Variants in MPHOSPH8 observed in about 807,000 individuals in gnomAD.
The protein encoded by MPHOSPH8 is M-phase phosphoprotein 8.
In MPHOSPH8, 45 loss-of-function variants were observed where a neutral mutation model predicts 87.3. That is an observed-to-expected ratio of 0.52 (90% CI 0.41 to 0.66). MPHOSPH8 has a LOEUF of 0.66. Among genes scored for constraint, MPHOSPH8 ranks in the 30% least tolerant of loss-of-function variants. The pLI is 0.00. For missense variants in MPHOSPH8, 883 were observed against 1,020.2 expected (o/e 0.87, Z 1.83); for synonymous variants, 366 against 376.9 (o/e 0.97, Z 0.33).
intron 1 of MPHOSPH8, among the ~76,000 whole-genome samples, chr13:19,640,856 G>A (rs745675702): frequency 1.3e-5 from 2 of 152,132 alleles, no homozygotes; most frequent in Admixed American, 6.5e-5. Context: ...ATAATCTTAA[G>A]TCACTAAAGA....
chr13:19,648,492 A>G lies in MPHOSPH8; in HGVS notation c.1289A>G (p.Lys430Arg). ...QKRHDSDKEE[K>R]GRKEPKGLKT... ...AGGCATGATTCTGACAAGGAAGAAA[A>G]AGGCAGAAAAGAGCCAAAAGGATTA... is the stretch of plus-strand genomic sequence containing the variant. The change falls in exon 4 of 14, where the codon AAA becomes AGA. Residue 430 changes from lysine (K) to arginine (R), a missense_variant. Physicochemically the swap from Lys to Arg is conservative, Grantham distance 26. This residue lies in a region of MPHOSPH8 where 741 missense variants were observed against 841.5 expected (regional missense o/e 0.88). Transcript: ENST00000361479. 6.3e-7 allele frequency: 1 copy of G among 1,580,942 alleles called. No homozygotes were observed. Among genetic ancestry groups the G allele is most frequent in the Non-Finnish European group, 8.6e-7 (1 of 1,164,676 alleles).
intron 10 of MPHOSPH8, 79 bp from the exon 11 acceptor site, chr13:19,668,298 G>T: frequency 7.5e-7 from 1 of 1,332,144 alleles, no homozygotes; most frequent in Non-Finnish European, 1.0e-6. Flanking sequence ...AGGTTGGCCT[G>T]GGAAGCCCTC....
intron 1 of MPHOSPH8, among the ~76,000 whole-genome samples, chr13:19,639,274 C>T (rs1221141017): frequency 6.6e-6 from 1 of 150,778 alleles, no homozygotes; most frequent in Non-Finnish European, 1.5e-5. Context: ...GAGGATTCTA[C>T]AGTGCCTGGT....
rs1329957495 is a variant in MPHOSPH8, at chr13:19,657,730, TAC to T, written c.1577-1263_1577-1262del. On this transcript the variant is annotated intron_variant, in intron 5 of 13. Transcript: ENST00000361479. ...CTGGTCTAGGCATGCTCTCTGTTCT[TAC>T]AGCAGTCCTGTGAGTTTGGTGGTAT... Among the ~76,000 whole-genome samples the T allele has an allele frequency of 5.3e-5, 8 of 152,192 alleles. No homozygotes were observed. In the East Asian group the frequency reaches 1.5e-3, roughly 29 times the overall value.
chr13:19,668,295 C>A, intron 10 of MPHOSPH8, 82 bp from the exon 11 acceptor site: 1 of 1,285,866 alleles, frequency 7.8e-7, no homozygotes, highest in Non-Finnish European at 1.1e-6. Context: ...GGAAGGTTGG[C>A]CTGGGAAGCC....
In MPHOSPH8 at chr13:19,654,015, C is replaced by T. The variant is rs182787590; in HGVS notation, c.1576+3755C>T. Among the ~76,000 whole-genome samples the T allele has an allele frequency of 2.1e-3, 315 of 152,320 alleles. 1 individual carries two copies. Among genetic ancestry groups the T allele is most frequent in the African/African-American group, 5.6e-3 (231 of 41,566 alleles). On this transcript the variant is annotated intron_variant, in intron 5 of 13. Coordinates refer to ENST00000361479, the MANE Select transcript of MPHOSPH8 (RefSeq NM_017520.4). Reference sequence around the variant, plus strand: ...TATTATCCAGGAGAACCTCCCCAACCTAGCAAGACAGGCCAACATTCAAAT... The same window carrying T: ...TATTATCCAGGAGAACCTCCCCAACTTAGCAAGACAGGCCAACATTCAAAT...
Position 19,671,958 on chromosome 13 carries a change from A to C in MPHOSPH8, c.*83A>C. On this transcript the variant is annotated 3_prime_UTR_variant, in exon 14 of 14. Coordinates refer to ENST00000361479, the MANE Select transcript of MPHOSPH8 (RefSeq NM_017520.4). The stretch of plus-strand genomic sequence containing the variant: ...CAGCAGTTTGGAATTCTTCTAGCAC[A>C]TCTATGTAAAGTTTTGTCTGTAAAC... The C allele has an allele frequency of 1.4e-6, 2 of 1,417,714 alleles. No individual in the cohort carries two copies. Among genetic ancestry groups the C allele is most frequent in the Non-Finnish European group, 2.0e-6 (2 of 1,006,338 alleles). 87.8% of individuals were successfully genotyped at this position (1,417,714 alleles called of 1,614,324 possible).
rs1213386104 is a variant in MPHOSPH8, at chr13:19,653,216, G to A, written c.1576+2956G>A. Among the ~76,000 whole-genome samples the A allele has an allele frequency of 3.9e-5, 6 of 152,322 alleles. No individual in the cohort carries two copies. In the East Asian group the frequency reaches 7.7e-4, roughly 20 times the overall value. ...CATCTGGCGGGTGCCCCTCTGGGAC[G>A]AAGCTTCCAGAGGAAGGAACAGGCA... On this transcript the variant is annotated intron_variant, in intron 5 of 13. Transcript: ENST00000361479.
chr13:19,652,371 G>C (rs1179661259), intron 5 of MPHOSPH8, among the ~76,000 whole-genome samples: 1 of 152,178 alleles, frequency 6.6e-6, no homozygotes, highest in Non-Finnish European at 1.5e-5. Context: ...CTGAGGGACT[G>C]TGCCATGAGG....
intron 10 of MPHOSPH8, among the ~76,000 whole-genome samples, 195 bp downstream of exon 10, chr13:19,666,774 C>A (rs572529257): frequency 6.6e-6 from 1 of 152,312 alleles, no homozygotes; most frequent in South Asian, 2.1e-4. Context: ...ATTTAACTCT[C>A]AGAAAATTTC....
In MPHOSPH8 at chr13:19,657,761, C is replaced by A. The variant is rs1453597771; in HGVS notation, c.1577-1234C>A. Reference sequence around the variant, plus strand: ...AGTCCTGTGAGTTTGGTGGTATTATCTCAGTTCATAAAGACCTCATCTGTT... The same window carrying A: ...AGTCCTGTGAGTTTGGTGGTATTATATCAGTTCATAAAGACCTCATCTGTT... On this transcript the variant is annotated intron_variant, in intron 5 of 13. Transcript: ENST00000361479. Among the ~76,000 whole-genome samples the A allele has an allele frequency of 3.3e-5, 5 of 152,122 alleles. 1 individual carries two copies. Among genetic ancestry groups the A allele is most frequent in the Non-Finnish European group, 7.3e-5 (5 of 68,036 alleles).
At chr13:19,640,116 G>GA (rs948472985) in intron 1 of MPHOSPH8, among the ~76,000 whole-genome samples, 15 of 150,546 alleles carry the variant, frequency 1.0e-4, no homozygotes, top group South Asian at 4.2e-4. Context: ...CAACCAAAAA[G>GA]AAAAAAAAAG....
intron 11 of MPHOSPH8, among the ~76,000 whole-genome samples, chr13:19,669,613 A>G (rs998094887): frequency 4.6e-5 from 7 of 151,472 alleles, no homozygotes; most frequent in African/African-American, 1.7e-4. Flanking sequence ...GGTTCAAGCA[A>G]TTCTCCTGCC....
chr13:19,657,215 A>G (rs1242952976), intron 5 of MPHOSPH8, among the ~76,000 whole-genome samples: 2 of 146,610 alleles, frequency 1.4e-5, no homozygotes, highest in African/African-American at 2.5e-5. Flanking sequence ...TGCCATTTTT[A>G]TTAGAAAACA....
rs1383719331 is a variant in MPHOSPH8, at chr13:19,672,843, T to A, written c.*968T>A. 3.0e-6 allele frequency: 1 copy of A among 331,730 alleles called. No homozygotes were observed. The highest frequency in any genetic ancestry group is 5.9e-6 in the Non-Finnish European group (1 of 169,054). The allele number at this position is 331,730 out of a possible 1,614,324, so 20.5% of individuals were successfully genotyped here. ...AGCAGAGCGTGGTGGCTCACACCTA[T>A]AATCCCAGCGCTTTGGAGGCTGAGG... On this transcript the variant is annotated 3_prime_UTR_variant, in exon 14 of 14. Transcript: ENST00000361479.
rs200679525 is a variant in MPHOSPH8, at chr13:19,668,522, A to G, written c.2320A>G (p.Ile774Val). ...TDFNYKPPQNIPEGSGILLFI... is the reference protein window; with the variant it reads ...TDFNYKPPQNVPEGSGILLFI... ...TTTCAATTACAAACCCCCACAGAAC[A>G]TACCAGAAGGTAAGCCGATGCCTCC... The change falls in exon 11 of 14, where the codon ATA (isoleucine) becomes GTA (valine). Residue 774 changes from isoleucine to valine, a missense_variant. Physicochemically the swap from Ile to Val is conservative, Grantham distance 29 (BLOSUM62 3). Transcript: ENST00000361479. The G allele has an allele frequency of 6.2e-7, 1 of 1,613,368 alleles. No homozygotes were observed. The highest frequency in any genetic ancestry group is 8.5e-7 in the Non-Finnish European group (1 of 1,179,792).
In MPHOSPH8 at chr13:19,647,435, G is replaced by A. The variant is rs1029347395; in HGVS notation, c.1218+144G>A. ...GAAGATCCTCCAGCTTTTGGACACC[G>A]CAGCTTATCTCTTAGTCTCTGGTTT... On this transcript the variant is annotated intron_variant, in intron 3 of 13. Coordinates refer to ENST00000361479, the MANE Select transcript of MPHOSPH8 (RefSeq NM_017520.4). 2.3e-5 allele frequency: 15 copies of A among 643,978 alleles called. No homozygotes were observed. The Middle Eastern group carries it at 7.6e-4, about 33-fold the overall frequency. The allele number at this position is 643,978 out of a possible 1,614,324, so 39.9% of individuals were successfully genotyped here.
chr13:19,669,590 C>T (rs1876006900), intron 11 of MPHOSPH8, among the ~76,000 whole-genome samples: 1 of 150,478 alleles, frequency 6.6e-6, no homozygotes, highest in Non-Finnish European at 1.5e-5. Flanking sequence ...CTCACTGCAA[C>T]CTCCGCCTCC....
chr13:19,634,053 A>AG, intron 1 of MPHOSPH8, 92 bp downstream of exon 1: 4 of 1,311,864 alleles, frequency 3.0e-6, no homozygotes, highest in Non-Finnish European at 4.3e-6. Context: ...CAGACCCAAA[A>AG]CAGGAGCGGG....
Sources: allele counts gnomAD v4.1 joint callset (sites outside exome capture counted in the v4.1 genomes callset), GRCh38; gene constraint gnomAD v4.1.1; regional missense constraint gnomAD v4.1.1; transcripts MANE v1.5; gene names NCBI Gene and HGNC (gene_info 2026-07-23, HGNC 2026-07-21).